ADAMTSL1: variants seen among roughly 807,000 people sequenced by gnomAD.
ADAMTSL1 encodes the protein ADAMTS like 1.
ADAMTSL1 carries 126 observed loss-of-function variants against 201.8 expected under a neutral mutation model. The ratio of observed to expected loss-of-function variants is 0.62; its 90% CI spans 0.54 to 0.72. ADAMTSL1 has a LOEUF of 0.72. ADAMTSL1 is among the 30% of genes least tolerant of loss of function. The probability of loss-of-function intolerance (pLI) is 0.00; values close to 1 mark genes in which losing one functional copy is unlikely to be tolerated. For synonymous variants in ADAMTSL1, 1,121 were observed against 903.4 expected, an observed-to-expected ratio of 1.24 and a Z score of -4.32; for missense variants, 2,679 against 2,277.8, an observed-to-expected ratio of 1.18 and a Z score of -3.59.
intron 2 of ADAMTSL1, among the ~76,000 whole-genome samples, chr9:18,457,632 C>T (rs1046856849): frequency 6.6e-6 from 1 of 152,158 alleles, no homozygotes; most frequent in Non-Finnish European, 1.5e-5. Context: ...CTGCACCCGA[C>T]CAGAAGAATT....
chr9:18,317,232 A>G (rs959433645), intron 2 of ADAMTSL1, among the ~76,000 whole-genome samples: 1 of 152,146 alleles, frequency 6.6e-6, no homozygotes, highest in Non-Finnish European at 1.5e-5. Context: ...CAGGGGCTAG[A>G]GGAAGGGATG....
chr9:18,231,427 C>G lies in ADAMTSL1; in HGVS notation c.207+67446C>G, dbSNP rs190936030. ...GTCAGCACTTGACAGGTTGACCAAC[C>G]CCTCCTCCTTGGAATCTTTTGGCTT... On this transcript the variant is annotated intron_variant, in intron 2 of 29. Transcript: ENST00000680146. 1.4e-4 allele frequency among the ~76,000 whole-genome samples: 21 copies of G among 152,232 alleles called. No homozygotes were observed. In the East Asian group the frequency reaches 4.1e-3, roughly 29 times the overall value.
intron 2 of ADAMTSL1, among the ~76,000 whole-genome samples, chr9:18,526,631 C>T (rs1315586006): frequency 1.3e-5 from 2 of 152,126 alleles, no homozygotes; most frequent in South Asian, 2.1e-4. Context: ...TAGGGCAGGC[C>T]TTGTGGTAAC....
intron 2 of ADAMTSL1, among the ~76,000 whole-genome samples, chr9:18,229,784 C>T (rs1232876968): frequency 6.6e-6 from 1 of 151,934 alleles, no homozygotes; most frequent in Non-Finnish European, 1.5e-5. Context: ...CAACCTCCAC[C>T]TCCCGGGTTC....
intron 4 of ADAMTSL1, among the ~76,000 whole-genome samples, chr9:18,611,574 C>T (rs1316905201): frequency 6.6e-6 from 1 of 152,070 alleles, no homozygotes; most frequent in African/African-American, 2.4e-5. Context: ...AAGACGAGAA[C>T]ACAATAAATC....
At chr9:18,064,956 T>G (rs1160527492) in intron 1 of ADAMTSL1, among the ~76,000 whole-genome samples, 2 of 9,520 alleles carry the variant, frequency 2.1e-4, no homozygotes, top group Non-Finnish European at 4.6e-4. Flanking sequence ...TGCTAAAGAT[T>G]TTTTTTTTTT....
At chr9:18,130,479 G>C (rs1825905930) in intron 1 of ADAMTSL1, among the ~76,000 whole-genome samples, 2 of 152,122 alleles carry the variant, frequency 1.3e-5, no homozygotes, top group African/African-American at 4.8e-5. Flanking sequence ...ATGCACATCT[G>C]TTATGCCCTT....
intron 2 of ADAMTSL1, among the ~76,000 whole-genome samples, chr9:18,428,097 C>G (rs540149720): frequency 6.6e-6 from 1 of 152,214 alleles, no homozygotes; most frequent in Non-Finnish European, 1.5e-5. Flanking sequence ...TTACAGTCAT[C>G]CAAGCATGGT....
At chr9:18,158,089 T>C (rs1827232977) in intron 1 of ADAMTSL1, among the ~76,000 whole-genome samples, 1 of 151,970 alleles carries the variant, frequency 6.6e-6, no homozygotes, top group Non-Finnish European at 1.5e-5. Context: ...AGTGACAATG[T>C]CCTCCTGCTC....
intron 1 of ADAMTSL1, among the ~76,000 whole-genome samples, chr9:17,979,273 T>C (rs988242005): frequency 1.3e-5 from 2 of 152,086 alleles, no homozygotes; most frequent in Non-Finnish European, 2.9e-5. Context: ...CCTTTCTCTT[T>C]CTTTTCTTCT....
chr9:18,700,621 A>G (rs1156909048), intron 13 of ADAMTSL1, among the ~76,000 whole-genome samples: 1 of 152,176 alleles, frequency 6.6e-6, no homozygotes, highest in Non-Finnish European at 1.5e-5. Context: ...TAAAAAATAT[A>G]TATAAGAATG....
At chr9:18,356,776 T>C (rs145163283) in intron 2 of ADAMTSL1, among the ~76,000 whole-genome samples, 1 of 151,962 alleles carries the variant, frequency 6.6e-6, no homozygotes, top group Non-Finnish European at 1.5e-5. Flanking sequence ...TCTAAGTAAA[T>C]GAAGATTTAG....
chr9:18,366,616 T>G (rs1388218258), intron 2 of ADAMTSL1, among the ~76,000 whole-genome samples: 2 of 149,994 alleles, frequency 1.3e-5, no homozygotes, highest in Non-Finnish European at 3.0e-5. Flanking sequence ...ATAGTGCCTC[T>G]GAAATCACTA....
intron 2 of ADAMTSL1, among the ~76,000 whole-genome samples, chr9:18,293,552 G>T (rs1410348240): frequency 6.6e-6 from 1 of 152,210 alleles, no homozygotes; most frequent in Non-Finnish European, 1.5e-5. Context: ...CGAAAGGTAT[G>T]CATAAAGAGT....
chr9:18,470,980 A>G (rs1821187004), upstream of ADAMTSL1, among the ~76,000 whole-genome samples: 1 of 152,198 alleles, frequency 6.6e-6, no homozygotes, highest in Non-Finnish European at 1.5e-5. Context: ...CTGAAGAGGA[A>G]AAAAGGAATT....
chr9:18,899,735 G>A (rs536249351), intron 26 of ADAMTSL1, among the ~76,000 whole-genome samples: 1 of 152,200 alleles, frequency 6.6e-6, no homozygotes, highest in African/African-American at 2.4e-5. Context: ...CTGGCTAGCT[G>A]TATGCAGAAA....
chr9:18,799,433 A>C (rs1420674796), intron 20 of ADAMTSL1, among the ~76,000 whole-genome samples: 3 of 152,216 alleles, frequency 2.0e-5, no homozygotes, highest in African/African-American at 7.2e-5. Flanking sequence ...GAAAGGAAGT[A>C]GTTTCCAGGT....
At chr9:18,797,365 A>T (rs1451979733) in intron 20 of ADAMTSL1, among the ~76,000 whole-genome samples, 1 of 152,210 alleles carries the variant, frequency 6.6e-6, no homozygotes, top group East Asian at 1.9e-4. Context: ...CAATGTCTAC[A>T]CTCACAGTGT....
chr9:18,789,706 T>C (rs1345921453), intron 19 of ADAMTSL1, among the ~76,000 whole-genome samples: 4 of 152,252 alleles, frequency 2.6e-5, no homozygotes, highest in East Asian at 1.9e-4. Context: ...TTGTGTAGTA[T>C]AGCAGCACAA....
Sources: gnomAD v4.1 joint callset for allele counts (sites outside exome capture counted in the v4.1 genomes callset) on GRCh38, gnomAD v4.1.1 for gene constraint, MANE v1.5 for transcripts, NCBI Gene and HGNC (gene_info 2026-07-23, HGNC 2026-07-21) for gene names.